The following ARHGAP12 variants were observed in gnomAD, a reference collection of about 807,000 sequenced individuals.
ARHGAP12 encodes rho GTPase-activating protein 12.
Under a neutral mutation model 108.6 loss-of-function variants are expected in ARHGAP12, and 64 were observed. That is an observed-to-expected ratio of 0.59 (90% CI 0.48 to 0.73). The LOEUF (loss-of-function observed/expected upper bound fraction) is 0.73. Among genes scored for constraint, ARHGAP12 ranks in the 30% least tolerant of loss-of-function variants. The probability of loss-of-function intolerance (pLI) is 0.00; values close to 1 mark genes in which losing one functional copy is unlikely to be tolerated. For synonymous variants in ARHGAP12, 312 were observed against 337.2 expected, an observed-to-expected ratio of 0.93 and a Z score of 0.82; for missense variants, 940 against 1,005.9, an observed-to-expected ratio of 0.93 and a Z score of 0.89.
At chr10:31,819,120 C>T (rs1276188736) in intron 12 of ARHGAP12, among the ~76,000 whole-genome samples, 5 of 151,548 alleles carry the variant, frequency 3.3e-5, no homozygotes, top group South Asian at 2.1e-4. Flanking sequence ...CCCAAGTACA[C>T]TAAATATTAT....
intron 3 of ARHGAP12, among the ~76,000 whole-genome samples, chr10:31,891,921 T>A (rs1420402229): frequency 6.6e-6 from 1 of 152,242 alleles, no homozygotes; most frequent in East Asian, 1.9e-4. Flanking sequence ...TGCCATGGTT[T>A]TCAGCTCTAT....
chr10:31,841,725 T>C (rs1564383447), intron 7 of ARHGAP12, among the ~76,000 whole-genome samples: 1 of 152,164 alleles, frequency 6.6e-6, no homozygotes, highest in Admixed American at 6.5e-5. Context: ...TTTCAATTAA[T>C]GGTATTTTCA....
chr10:31,814,435 A>G, intron 13 of ARHGAP12, 74 bp from the exon 14 acceptor site: 1 of 1,211,418 alleles, frequency 8.3e-7, no homozygotes. Context: ...TAATTCTCAC[A>G]ATGACTATTG....
chr10:31,852,371 C>G (rs145974302), intron 6 of ARHGAP12, 146 bp downstream of exon 6: 2 of 677,126 alleles, frequency 3.0e-6, no homozygotes, highest in Non-Finnish European at 5.2e-6. Context: ...ACTTACACTA[C>G]TCACAGTATT....
intron 14 of ARHGAP12, among the ~76,000 whole-genome samples, chr10:31,813,149 T>TA (rs1354842274): frequency 6.6e-6 from 1 of 152,174 alleles, no homozygotes; most frequent in Non-Finnish European, 1.5e-5. Flanking sequence ...TACTTATCTT[T>TA]ATTGATTCTC....
At position 31,921,763 on chromosome 10, in the gene ARHGAP12, CAAAAAAA is replaced by C. The variant is rs57420280; in HGVS notation, c.-111+6913_-111+6919del. On this transcript the variant is annotated intron_variant, in intron 1 of 19. Transcript: ENST00000344936. ...TGGGTGACAGAGCAAGGCTCCATCT[CAAAAAAA>C]AAAAAAAAAAAAAAAAAAAAGTTTG... is the stretch of plus-strand genomic sequence containing the variant. 4.0e-4 allele frequency among the ~76,000 whole-genome samples: 15 copies of C among 37,914 alleles called. No individual in the cohort carries two copies. The East Asian group carries it at 0.013, about 32-fold the overall frequency. 24.9% of individuals were successfully genotyped at this position (37,914 alleles called of 152,430 possible). A position where few individuals can be genotyped will look rare whatever the true frequency, so the allele number is the denominator to read the frequency against.
intron 14 of ARHGAP12, among the ~76,000 whole-genome samples, chr10:31,813,114 ATTCT>A (rs1267217452): frequency 2.0e-5 from 3 of 152,152 alleles, no homozygotes; most frequent in Non-Finnish European, 2.9e-5. Context: ...ACTCTAACAT[ATTCT>A]TTATTTCATA....
At chr10:31,925,562 G>T (rs11818200) in intron 1 of ARHGAP12, among the ~76,000 whole-genome samples, 63 of 152,068 alleles carry the variant, frequency 4.1e-4, no homozygotes, top group African/African-American at 1.4e-3. Context: ...TCTGTTCCAG[G>T]GTCCCATCCA....
rs528614851 is a variant in ARHGAP12, at chr10:31,807,869, AAG to A, written c.2367-39_2367-38del. 848 of 1,426,722 alleles carry A rather than the reference AAG, an allele frequency of 5.9e-4. 16 individuals are homozygous for A. In the South Asian group the frequency reaches 0.012, roughly 21 times the overall value. The allele number at this position is 1,426,722 out of a possible 1,614,324, so 88.4% of individuals were successfully genotyped here. On this transcript the variant is annotated intron_variant, in intron 19 of 19. Coordinates refer to ENST00000344936, the MANE Select transcript of ARHGAP12 (RefSeq NM_018287.7). The stretch of plus-strand genomic sequence containing the variant: ...AAAAGAAGTTGTTAAAAGAGAAAAT[AAG>A]AGAGAGGGAAAATTCTTCAAATGGT...
chr10:31,857,214 G>C (rs151280476), intron 4 of ARHGAP12, among the ~76,000 whole-genome samples: 1 of 152,146 alleles, frequency 6.6e-6, no homozygotes, highest in South Asian at 2.1e-4. Flanking sequence ...GGTAAATCTA[G>C]ATGAATGATA....
intron 3 of ARHGAP12, among the ~76,000 whole-genome samples, chr10:31,875,181 A>T (rs539036435): frequency 9.9e-5 from 15 of 152,172 alleles, no homozygotes; most frequent in African/African-American, 3.1e-4. Context: ...AAAGAAAAAA[A>T]TGCTTACGGG....
At chr10:31,872,940 C>T (rs779146638) in intron 3 of ARHGAP12, among the ~76,000 whole-genome samples, 1 of 152,104 alleles carries the variant, frequency 6.6e-6, no homozygotes, top group Non-Finnish European at 1.5e-5. Flanking sequence ...TGAGATAACC[C>T]GTTCCCAATC....
intron 3 of ARHGAP12, among the ~76,000 whole-genome samples, chr10:31,862,765 C>T (rs959835908): frequency 3.3e-5 from 5 of 150,744 alleles, no homozygotes; most frequent in African/African-American, 1.2e-4. Flanking sequence ...TCCGACGTGA[C>T]AACTGAAAAG....
At chr10:31,862,714 A>ATG (rs1261699428) in intron 3 of ARHGAP12, among the ~76,000 whole-genome samples, 1 of 84,322 alleles carries the variant, frequency 1.2e-5, no homozygotes, top group African/African-American at 4.1e-5. Context: ...AGACACACAC[A>ATG]CACACACACA....
chr10:31,914,241 C>A, intron 1 of ARHGAP12, among the ~76,000 whole-genome samples: 1 of 152,110 alleles, frequency 6.6e-6, no homozygotes. Context: ...AGTCCTTGCC[C>A]AGACTAATGT....
chr10:31,845,855 T>C (rs571649677), intron 6 of ARHGAP12, among the ~76,000 whole-genome samples: 1 of 152,202 alleles, frequency 6.6e-6, no homozygotes, highest in Non-Finnish European at 1.5e-5. Flanking sequence ...TGATTTAATA[T>C]CCATTTTGCA....
intron 3 of ARHGAP12, among the ~76,000 whole-genome samples, chr10:31,876,530 A>G (rs1237630330): frequency 7.0e-6 from 1 of 143,766 alleles, no homozygotes; most frequent in African/African-American, 2.7e-5. Flanking sequence ...AAACAAAAAC[A>G]AAAACAAAAA....
In ARHGAP12 at chr10:31,896,650, G is replaced by A. The variant is rs568784510; in HGVS notation, c.684+11522C>T. On this transcript the variant is annotated intron_variant, in intron 3 of 19. Coordinates refer to ENST00000344936, the MANE Select transcript of ARHGAP12 (RefSeq NM_018287.7). ...AAAAAAGGGCTTCAGCAAAGTATAT[G>A]GTTCTTAATAAACCATACAAAAACA... Among the ~76,000 whole-genome samples the A allele has an allele frequency of 1.1e-4, 16 of 152,204 alleles. No homozygotes were observed. In the South Asian group the frequency reaches 3.3e-3, roughly 32 times the overall value.
intron 3 of ARHGAP12, among the ~76,000 whole-genome samples, chr10:31,889,907 T>C (rs144576408): frequency 6.6e-6 from 1 of 151,972 alleles, no homozygotes; most frequent in African/African-American, 2.4e-5. Flanking sequence ...TTTTAATATA[T>C]ATAAACTAAA....
Sources: gnomAD v4.1 joint callset for allele counts (sites outside exome capture counted in the v4.1 genomes callset) on GRCh38, gnomAD v4.1.1 for gene constraint, MANE v1.5 for transcripts, NCBI Gene and HGNC (gene_info 2026-07-23, HGNC 2026-07-21) for gene names.